Variants in ELP2 observed in about 807,000 individuals in gnomAD.
ELP2 encodes the protein elongator acetyltransferase complex subunit 2, also known as elongator complex protein 2.
In ELP2, 90 loss-of-function variants were observed where a neutral mutation model predicts 119.2. The observed-to-expected ratio is 0.75, with a 90% confidence interval of 0.64 to 0.90. ELP2 has a LOEUF of 0.90. Ranked by LOEUF, ELP2 falls within the 40% of genes least tolerant of loss-of-function variation. The pLI is 0.00. For synonymous variants in ELP2, 339 were observed against 331.0 expected, an observed-to-expected ratio of 1.02 and a Z score of -0.26; for missense variants, 921 against 967.8, an observed-to-expected ratio of 0.95 and a Z score of 0.64.
intron 3 of ELP2, 86 bp downstream of exon 3, chr18:36,136,463 T>C (rs1027859856): frequency 2.8e-6 from 3 of 1,089,066 alleles, no homozygotes; most frequent in Admixed American, 3.4e-5. Flanking sequence ...TCACCCAGGC[T>C]GACGTGCAGT....
At chr18:36,145,431 C>CT (rs1408580744) in intron 9 of ELP2, 1 of 295,490 alleles carries the variant, frequency 3.4e-6, no homozygotes, top group African/African-American at 2.2e-5. Flanking sequence ...GTTACTCCTT[C>CT]TTTCTTTTGC....
chr18:36,168,342 C>G (rs905787006), intron 19 of ELP2, among the ~76,000 whole-genome samples: 3 of 152,172 alleles, frequency 2.0e-5, no homozygotes, highest in African/African-American at 7.2e-5. Context: ...CTGCTTTTGT[C>G]CCCCACAGTC....
At position 36,159,826 on chromosome 18, in the gene ELP2, TACTG is replaced by T. The variant is rs1247851846; in HGVS notation, c.1627_1630del (p.Thr543SerfsTer67). 2 of 1,613,458 alleles carry T rather than the reference TACTG, an allele frequency of 1.2e-6. No individual in the cohort carries two copies. The highest frequency in any genetic ancestry group is 1.7e-6 in the Non-Finnish European group (2 of 1,179,452). ...AGGTGGCCTTTCAGCCCTCCATACTTACTGGTAAGATGTGACAAAGACAATTTAA... is the reference window on the plus strand; with the variant it reads ...AGGTGGCCTTTCAGCCCTCCATACTTGTAAGATGTGACAAAGACAATTTAA... On this transcript the variant is annotated frameshift_variant and splice_region_variant, in exon 15 of 22. Transcript: ENST00000358232. LOFTEE classifies it high-confidence loss of function.
intron 14 of ELP2, 39 bp from the exon 15 acceptor site, chr18:36,159,696 A>G (rs1242506533): frequency 4.1e-6 from 6 of 1,473,596 alleles, no homozygotes; most frequent in African/African-American, 1.4e-5. Flanking sequence ...GGAGATATAA[A>G]AATAGTGACT....
At chr18:36,167,531 G>A (rs576642947) in intron 19 of ELP2, among the ~76,000 whole-genome samples, 4 of 152,090 alleles carry the variant, frequency 2.6e-5, no homozygotes, top group Admixed American at 2.6e-4. Context: ...GGAGGGCAGC[G>A]GGAGGTAGGG....
At chr18:36,138,177 G>T in intron 3 of ELP2, 93 bp from the exon 4 acceptor site, 1 of 1,360,318 alleles carries the variant, frequency 7.4e-7, no homozygotes, top group Admixed American at 1.8e-5. Context: ...ACCTATTTCT[G>T]GCTCAGCCAT....
At chr18:36,135,820 G>T (rs2089803701) in intron 2 of ELP2, among the ~76,000 whole-genome samples, 1 of 152,154 alleles carries the variant, frequency 6.6e-6, no homozygotes, top group African/African-American at 2.4e-5. Context: ...TCACAAAAAT[G>T]AGGGGGACTA....
At chr18:36,173,658 T>G (rs2091147980) in intron 21 of ELP2, among the ~76,000 whole-genome samples, 1 of 152,222 alleles carries the variant, frequency 6.6e-6, no homozygotes, top group African/African-American at 2.4e-5. Flanking sequence ...CGTGACTTCA[T>G]TCTTCCCTTT....
chr18:36,139,389 G>A, intron 5 of ELP2: 1 of 1,530,526 alleles, frequency 6.5e-7, no homozygotes, highest in Non-Finnish European at 8.7e-7. Flanking sequence ...AATAGCCAGT[G>A]TGAGTGAGTC....
chr18:36,154,461 C>G (rs1246335842), intron 11 of ELP2, among the ~76,000 whole-genome samples: 1 of 152,132 alleles, frequency 6.6e-6, no homozygotes, highest in Non-Finnish European at 1.5e-5. Context: ...ATACATAGAA[C>G]CTAGTGTATA....
chr18:36,129,995 T>G lies in ELP2; in HGVS notation c.62T>G (p.Val21Gly). 6.2e-7 allele frequency: 1 copy of G among 1,613,814 alleles called. No individual in the cohort carries two copies. Among genetic ancestry groups the G allele is most frequent in the Non-Finnish European group, 8.5e-7 (1 of 1,179,958 alleles). ...TGCTGCCCAAACCGGGTGCGGGGAG[T>G]CCTGAACTGGAGCTCTGGGCCCAGA... ...VFCCPNRVRG[V>G]LNWSSGPRGL... Residue 21 changes from valine (V) to glycine (G), a missense_variant, in exon 1 of 22, where the codon GTC (valine) becomes GGC (glycine). Coordinates refer to ENST00000358232, the MANE Select transcript of ELP2 (RefSeq NM_018255.4).
At chr18:36,138,580 A>ATT in intron 4 of ELP2, 154 bp downstream of exon 4, 1 of 986,390 alleles carries the variant, frequency 1.0e-6, no homozygotes, top group African/African-American at 1.6e-5. Flanking sequence ...CTTATTTAAA[A>ATT]TTCTCTATAC....
intron 12 of ELP2, among the ~76,000 whole-genome samples, chr18:36,155,690 C>T (rs1180336334): frequency 6.6e-6 from 1 of 152,140 alleles, no homozygotes; most frequent in African/African-American, 2.4e-5. Context: ...AGGTGTGAGC[C>T]ACCATGCCCA....
chr18:36,163,839 G>T (rs1253090416), intron 17 of ELP2, among the ~76,000 whole-genome samples: 1 of 152,030 alleles, frequency 6.6e-6, no homozygotes, highest in East Asian at 1.9e-4. Context: ...TGTTAGTAAC[G>T]ATAGTGTTTT....
chr18:36,149,822 A>T (rs1383096257), intron 11 of ELP2, among the ~76,000 whole-genome samples: 3 of 151,882 alleles, frequency 2.0e-5, no homozygotes, highest in Non-Finnish European at 4.4e-5. Context: ...TCATGCTTTT[A>T]TCTCCCCTTA....
chr18:36,134,581 A>C (rs1310498497), intron 2 of ELP2, among the ~76,000 whole-genome samples: 3 of 152,166 alleles, frequency 2.0e-5, no homozygotes, highest in Admixed American at 1.3e-4. Context: ...CATATTTCTC[A>C]GTTTTAATTT....
At chr18:36,130,144 G>T in intron 1 of ELP2, 73 bp downstream of exon 1, 2 of 1,598,208 alleles carry the variant, frequency 1.3e-6, no homozygotes, top group East Asian at 2.2e-5. Flanking sequence ...CGGGCGCGCT[G>T]TTAGTTGCCG....
rs146763768 is a variant in ELP2 at position 36,152,897 on chromosome 18, C to T, written c.1126-1953C>T. Among the ~76,000 whole-genome samples the T allele has an allele frequency of 3.0e-3, 451 of 152,362 alleles. 3 individuals carry two copies. The highest frequency in any genetic ancestry group is 0.011 in the African/African-American group (444 of 41,576). On this transcript the variant is annotated intron_variant, in intron 11 of 21. Coordinates refer to ENST00000358232, the MANE Select transcript of ELP2 (RefSeq NM_018255.4). ...TACCAGTCTATAAGATGGAACAATT[C>T]CTTAGCACTACACCCTTTGGTTTCA...
At chr18:36,165,526 A>G (rs963729062) in intron 18 of ELP2, among the ~76,000 whole-genome samples, 3 of 152,246 alleles carry the variant, frequency 2.0e-5, no homozygotes, top group African/African-American at 7.2e-5. Flanking sequence ...AATATGTTTT[A>G]GAACAGACTG....
Sources: gnomAD v4.1 joint callset for allele counts (sites outside exome capture counted in the v4.1 genomes callset) on GRCh38, gnomAD v4.1.1 for gene constraint, MANE v1.5 for transcripts, NCBI Gene and HGNC (gene_info 2026-07-23, HGNC 2026-07-21) for gene names.